The following APBA1 variants were observed in gnomAD, a reference collection of about 807,000 sequenced individuals.
APBA1 encodes amyloid-beta A4 precursor protein-binding family A member 1.
APBA1 carries 55 observed loss-of-function variants against 86.6 expected under a neutral mutation model. The ratio of observed to expected loss-of-function variants is 0.64; its 90% confidence interval spans 0.51 to 0.80. The LOEUF (loss-of-function observed/expected upper bound fraction) is 0.80. APBA1 is among the 30% of genes least tolerant of loss of function. The probability of loss-of-function intolerance (pLI) is 0.00; values close to 1 mark genes in which losing one functional copy is unlikely to be tolerated. For synonymous variants in APBA1, 511 were observed against 493.9 expected (o/e 1.03, Z -0.46); for missense variants, 1,090 against 1,183.0 (o/e 0.92, Z 1.15).
intron 1 of APBA1, among the ~76,000 whole-genome samples, chr9:69,580,116 T>G (rs890950213): frequency 2.6e-5 from 4 of 152,184 alleles, no homozygotes; most frequent in African/African-American, 4.8e-5. Flanking sequence ...GAAGCTGTGG[T>G]CTGTGTCCTT....
chr9:69,569,448 AGTGTGTGTGT>A (rs71507121), intron 1 of APBA1, among the ~76,000 whole-genome samples: 15,028 of 144,956 alleles, frequency 0.1, 817 homozygotes, highest in East Asian at 0.19. Context: ...GTCACGTGTG[AGTGTGTGTGT>A]GTGTGTGTGT....
At chr9:69,514,392 C>T (rs1008570311) in intron 2 of APBA1, among the ~76,000 whole-genome samples, 1 of 151,772 alleles carries the variant, frequency 6.6e-6, no homozygotes, top group Non-Finnish European at 1.5e-5. Flanking sequence ...GGAGTTCAAG[C>T]CCAGCCTAGC....
At chr9:69,467,115 T>C (rs1384205349) in intron 5 of APBA1, among the ~76,000 whole-genome samples, 4 of 152,328 alleles carry the variant, frequency 2.6e-5, no homozygotes, top group East Asian at 3.9e-4. Context: ...AGTTTTGGTA[T>C]CGTGGTGGAG....
chr9:69,516,715 A>G lies in APBA1; in HGVS notation c.496T>C (p.Ser166Pro), dbSNP rs1836161290. Residue 166 changes from serine to proline, a missense_variant, in exon 2 of 13, where the codon TCA (serine) becomes CCA (proline). This residue lies in a region of APBA1 where 678 missense variants were observed against 647.1 expected (regional missense o/e 1.05). Transcript: ENST00000265381. The surrounding 1 kb of genome is among the most constrained non-coding windows in gnomAD (Gnocchi z 7.3). ...AGCCGGTGCGTGTAGACGTAGCCTG[A>G]GTAGGCCGCATTCATGGCTTCCTCG... ...EHEEAMNAAYSGYVYTHRLFH... is the reference protein window; with the variant it reads ...EHEEAMNAAYPGYVYTHRLFH... 6 of 1,611,306 alleles carry G rather than the reference A, an allele frequency of 3.7e-6. No individual in the cohort carries two copies. The East Asian group carries it at 1.1e-4, about 30-fold the overall frequency.
intron 1 of APBA1, among the ~76,000 whole-genome samples, chr9:69,593,419 C>G (rs1436989631): frequency 1.3e-5 from 2 of 152,142 alleles, no homozygotes; most frequent in East Asian, 3.8e-4. Context: ...GCTTAGACCT[C>G]CTCCAATCAT....
At chr9:69,590,140 CT>C (rs1822102386) in intron 1 of APBA1, among the ~76,000 whole-genome samples, 1 of 152,184 alleles carries the variant, frequency 6.6e-6, no homozygotes, top group Non-Finnish European at 1.5e-5. Flanking sequence ...TCATTCCTCT[CT>C]TCATTTTTTA....
chr9:69,477,021 A>G (rs1323590221), intron 2 of APBA1, among the ~76,000 whole-genome samples: 1 of 152,260 alleles, frequency 6.6e-6, no homozygotes, highest in African/African-American at 2.4e-5. Flanking sequence ...GCCTATAGCC[A>G]AACATTGTTG....
chr9:69,563,543 C>T lies in APBA1; in HGVS notation c.-69-46264G>A, dbSNP rs188153752. On this transcript the variant is annotated intron_variant, in intron 1 of 12. Coordinates refer to ENST00000265381, the MANE Select transcript of APBA1 (RefSeq NM_001163.4). ...CACGGGTTGCATGGCTACCAAATCA[C>T]GGTGGCCATACAACCCATATATTAA... is the stretch of plus-strand genomic sequence containing the variant. Among the ~76,000 whole-genome samples, 1,041 of 152,308 alleles carry T rather than the reference C, an allele frequency of 6.8e-3. 7 individuals are homozygous for T. The highest frequency in any genetic ancestry group is 0.01 in the Non-Finnish European group (705 of 68,020).
chr9:69,620,656 G>A (rs577257984), intron 1 of APBA1, among the ~76,000 whole-genome samples: 97 of 152,042 alleles, frequency 6.4e-4, no homozygotes, highest in Admixed American at 7.2e-4. Flanking sequence ...CAGCCTGGGC[G>A]ACAGAGCGAG....
chr9:69,614,096 C>A (rs1033787363), intron 1 of APBA1, among the ~76,000 whole-genome samples: 2 of 152,062 alleles, frequency 1.3e-5, no homozygotes, highest in African/African-American at 4.8e-5. Flanking sequence ...CTTTTTACAT[C>A]CATGTAACTT....
At chr9:69,672,485 C>A (rs1180536486), upstream of APBA1, among the ~76,000 whole-genome samples, 13 of 147,912 alleles carry the variant, frequency 8.8e-5, no homozygotes, top group Admixed American at 8.7e-4. Context: ...GGAGCGCGCG[C>A]GCGCACGCCG....
chr9:69,575,456 ATAC>A (rs1455944444), intron 1 of APBA1, among the ~76,000 whole-genome samples: 1 of 152,196 alleles, frequency 6.6e-6, no homozygotes, highest in Non-Finnish European at 1.5e-5. Context: ...ACTTCAAACT[ATAC>A]TACAAGGCTA....
chr9:69,514,224 T>C (rs1478005706), intron 2 of APBA1, among the ~76,000 whole-genome samples: 1 of 152,130 alleles, frequency 6.6e-6, no homozygotes, highest in Non-Finnish European at 1.5e-5. Flanking sequence ...TTTTGTGAAG[T>C]GGGAAGGATA....
intron 2 of APBA1, among the ~76,000 whole-genome samples, chr9:69,482,770 T>G (rs1431792433): frequency 6.6e-6 from 1 of 151,746 alleles, no homozygotes; most frequent in Non-Finnish European, 1.5e-5. Context: ...GTGGCACATA[T>G]ACACCATGGA....
At chr9:69,482,316 A>G (rs1835525776) in intron 2 of APBA1, among the ~76,000 whole-genome samples, 2 of 152,120 alleles carry the variant, frequency 1.3e-5, no homozygotes, top group African/African-American at 2.4e-5. Context: ...GGCAAAGGAC[A>G]TGAATAGACA....
chr9:69,581,390 GA>G (rs11312266), intron 1 of APBA1, among the ~76,000 whole-genome samples: 144,474 of 152,096 alleles, frequency 0.95, 69,077 homozygotes, highest in East Asian at 1. Flanking sequence ...TCTGAAGGTA[GA>G]AAAAAAAAGA....
At chr9:69,450,883 A>C (rs1834996458) in intron 9 of APBA1, among the ~76,000 whole-genome samples, 1 of 152,144 alleles carries the variant, frequency 6.6e-6, no homozygotes, top group South Asian at 2.1e-4. Flanking sequence ...TGATGTGAAG[A>C]CACAGCATGA....
In APBA1 at chr9:69,526,098, A is replaced by G. The variant is rs143041841; in HGVS notation, c.-69-8819T>C. ...GAAGATAAATGTAAAATACCAAACT[A>G]TAAGACTTCTAGAAGAAAACCTAGA... On this transcript the variant is annotated intron_variant, in intron 1 of 12. Transcript: ENST00000265381. 1.8e-4 allele frequency among the ~76,000 whole-genome samples: 28 copies of G among 152,282 alleles called. 1 individual carries two copies. In the South Asian group the frequency reaches 4.1e-3, roughly 23 times the overall value.
Position 69,456,266 on chromosome 9 carries a change from T to G in APBA1, c.1769A>C (p.His590Pro). The G allele has an allele frequency of 6.2e-7, 1 of 1,614,248 alleles. No individual in the cohort carries two copies. Among genetic ancestry groups the G allele is most frequent in the Non-Finnish European group, 8.5e-7 (1 of 1,180,050 alleles). Residue 590 changes from histidine to proline, a missense_variant, in exon 8 of 13, where the codon CAC becomes CCC. By Grantham distance (77) the His-to-Pro change is moderately conservative. Coordinates refer to ENST00000265381, the MANE Select transcript of APBA1 (RefSeq NM_001163.4). ...CCTTACATCCTCAGACTCGAAGACGTGGCAGATCATCTTGTACTGCCTTTT... is the reference window on the plus strand; with the variant it reads ...CCTTACATCCTCAGACTCGAAGACGGGGCAGATCATCTTGTACTGCCTTTT... ...DGKRQYKMIC[H>P]VFESEDAQLI...
Sources: gnomAD v4.1 joint callset for allele counts (sites outside exome capture counted in the v4.1 genomes callset) on GRCh38, gnomAD v4.1.1 for gene constraint, gnomAD v4.1.1 regional missense constraint, Gnocchi (gnomAD v3.1) non-coding constraint, MANE v1.5 for transcripts, NCBI Gene and HGNC (gene_info 2026-07-23, HGNC 2026-07-21) for gene names.